Variants in DNAAF1 observed in about 807,000 individuals in gnomAD.
DNAAF1 encodes dynein assembly factor 1, axonemal.
A neutral mutation model predicts 71.1 loss-of-function variants in DNAAF1; 65 were observed. That is an observed-to-expected ratio of 0.91 (90% CI 0.75 to 1.12). The LOEUF (loss-of-function observed/expected upper bound fraction) is 1.12. Among genes scored for constraint, DNAAF1 ranks in the 50% most tolerant of loss-of-function variants. DNAAF1 has a pLI of 0.00. For missense variants in DNAAF1, 1,178 were observed against 899.8 expected (o/e 1.31, Z -3.96); for synonymous variants, 414 against 354.6 (o/e 1.17, Z -1.88).
In DNAAF1 at chr16:84,174,684, G is replaced by A; in HGVS notation, c.1660G>A (p.Glu554Lys). The change falls in exon 10 of 12, where the codon GAA becomes AAA. Residue 554 changes from glutamate (E) to lysine (K), a missense_variant. Transcript: ENST00000378553. ...GCTCTTTCAGGACCTACCTGACTTGGAAGATGATGATGAAACAGGCAAATC... is the reference window on the plus strand; with the variant it reads ...GCTCTTTCAGGACCTACCTGACTTGAAAGATGATGATGAAACAGGCAAATC... Reference protein sequence around the residue: ...TFCIDDLPDLEDDDETGKSLE... With the variant: ...TFCIDDLPDLKDDDETGKSLE... 1.2e-6 allele frequency: 2 copies of A among 1,614,156 alleles called. No individual in the cohort carries two copies. Among genetic ancestry groups the A allele is most frequent in the Non-Finnish European group, 1.7e-6 (2 of 1,180,040 alleles).
At chr16:84,146,744 CAA>C (rs755205371) in intron 1 of DNAAF1, among the ~76,000 whole-genome samples, 1 of 138,058 alleles carries the variant, frequency 7.2e-6, no homozygotes. Context: ...GACTCCGTCT[CAA>C]AAAAAAAAAA....
At chr16:84,156,349 C>A (rs1273892141) in intron 5 of DNAAF1, among the ~76,000 whole-genome samples, 9 of 152,218 alleles carry the variant, frequency 5.9e-5, no homozygotes, top group Admixed American at 5.9e-4. Flanking sequence ...CCTTGTGGTG[C>A]CACTTAACAT....
chr16:84,154,710 G>C lies in DNAAF1; in HGVS notation c.486G>C (p.Leu162Phe), dbSNP rs1268404412. ...ELRCLFLQMN[L>F]LRKIENLEPL... ...GTTGCCTCTTCTTGCAAATGAACTT[G>C]CTCCGTAAAATTGAGAACCTGGAAC... The change falls in exon 4 of 12, where the codon TTG becomes TTC. Residue 162 changes from leucine to phenylalanine, a missense_variant. By Grantham distance (22) the Leu-to-Phe change is conservative (BLOSUM62 0). Coordinates refer to ENST00000378553, the MANE Select transcript of DNAAF1 (RefSeq NM_178452.6). 1 of 1,614,106 alleles carries C rather than the reference G, an allele frequency of 6.2e-7. No individual in the cohort carries two copies. The highest frequency in any genetic ancestry group is 2.2e-5 in the East Asian group (1 of 44,872).
At chr16:84,150,428 T>G in intron 3 of DNAAF1, 86 bp downstream of exon 3, 3 of 1,009,838 alleles carry the variant, frequency 3.0e-6, no homozygotes, top group Non-Finnish European at 4.7e-6. Context: ...GGATCACCTT[T>G]AGTTCTCAGA....
At chr16:84,155,787 A>G (rs369747375) in intron 5 of DNAAF1, 38 bp downstream of exon 5, 6 of 1,610,440 alleles carry the variant, frequency 3.7e-6, no homozygotes, top group Non-Finnish European at 5.1e-6. Context: ...AAAGCACCAC[A>G]GGAAACCGCT....
rs200135738 is a variant in DNAAF1, at chr16:84,163,872, T to TG, written c.864-1911_864-1910insG. Among the ~76,000 whole-genome samples the TG allele has an allele frequency of 1.1e-3, 146 of 128,476 alleles. 1 individual carries two copies. The highest frequency in any genetic ancestry group is 3.9e-3 in the Middle Eastern group (1 of 256). 84.3% of individuals were successfully genotyped at this position (128,476 alleles called of 152,430 possible). A position where few individuals can be genotyped will look rare whatever the true frequency, so the allele number is the denominator to read the frequency against. On this transcript the variant is annotated intron_variant, in intron 6 of 11. Transcript: ENST00000378553. ...AAAATTAATAGACTTTTTTTTTTTT[T>TG]TGTGGGGGACAGCGTTTTGCTCTGT...
intron 6 of DNAAF1, among the ~76,000 whole-genome samples, chr16:84,160,973 C>G (rs937754649): frequency 2.6e-5 from 4 of 152,030 alleles, no homozygotes; most frequent in Admixed American, 2.0e-4. Flanking sequence ...AAGGCCTGCT[C>G]CTGGGAGGTT....
rs2087247550 is a variant in DNAAF1, at chr16:84,152,825, C to T, written c.353-1752C>T. 2.0e-5 allele frequency among the ~76,000 whole-genome samples: 3 copies of T among 151,274 alleles called. No homozygotes were observed. In the South Asian group the frequency reaches 6.3e-4, roughly 32 times the overall value. On this transcript the variant is annotated intron_variant, in intron 3 of 11. Transcript: ENST00000378553. ...AAAAATTAGCCAGGTGTGGTGATGG[C>T]GGGTACCTGTAATCTCAGCTACTCA...
At chr16:84,161,427 C>G (rs1360074583) in intron 6 of DNAAF1, among the ~76,000 whole-genome samples, 3 of 152,152 alleles carry the variant, frequency 2.0e-5, no homozygotes, top group Admixed American at 6.5e-5. Context: ...ACTCTGTCAC[C>G]CAGGCAGGAG....
chr16:84,166,973 A>G (rs1022792935), intron 7 of DNAAF1, among the ~76,000 whole-genome samples: 1 of 152,088 alleles, frequency 6.6e-6, no homozygotes, highest in African/African-American at 2.4e-5. Flanking sequence ...CTGTCCTGCA[A>G]TTCATTTCCA....
At position 84,145,402 on chromosome 16, in the gene DNAAF1, C is replaced by T. The variant is rs778638867; in HGVS notation, c.-39C>T. 40 of 1,568,326 alleles carry T rather than the reference C, an allele frequency of 2.6e-5. No homozygotes were observed. In the South Asian group the frequency reaches 4.3e-4, roughly 17 times the overall value. ...GCGACGTCCGCCGCGAACCTGGGCC[C>T]CCCAAAGCTGCGGGGCGTTCGGTGT... On this transcript the variant is annotated 5_prime_UTR_variant, in exon 1 of 12. Transcript: ENST00000378553.
At chr16:84,156,441 A>T (rs2087430037) in intron 5 of DNAAF1, among the ~76,000 whole-genome samples, 1 of 152,304 alleles carries the variant, frequency 6.6e-6, no homozygotes, top group South Asian at 2.1e-4. Context: ...TTTCACCTTG[A>T]GGTGTGTCAG....
In DNAAF1 at chr16:84,175,878, G is replaced by A; in HGVS notation, c.1699-55G>A. On this transcript the variant is annotated intron_variant, in intron 10 of 11. Coordinates refer to ENST00000378553, the MANE Select transcript of DNAAF1 (RefSeq NM_178452.6). ...AGCAGAACTGGCATGGTGCATTGTA[G>A]AGCGATTCTGTTGTGAAAACAGAAA... The A allele has an allele frequency of 1.9e-6, 3 of 1,599,672 alleles. No individual in the cohort carries two copies. In the Admixed American group the frequency reaches 5.0e-5, roughly 27 times the overall value.
chr16:84,159,276 G>C (rs752379330), intron 5 of DNAAF1: 90 of 1,103,084 alleles, frequency 8.2e-5, no homozygotes, highest in Non-Finnish European at 9.6e-5. Flanking sequence ...GGCTGTGTGC[G>C]TTTTGGTAAA....
At chr16:84,156,631 T>C (rs2087437453) in intron 5 of DNAAF1, among the ~76,000 whole-genome samples, 1 of 152,160 alleles carries the variant, frequency 6.6e-6, no homozygotes, top group Non-Finnish European at 1.5e-5. Flanking sequence ...TTGCCTAGAT[T>C]AATTATTTAA....
intron 6 of DNAAF1, among the ~76,000 whole-genome samples, chr16:84,161,058 G>C (rs2087687942): frequency 6.6e-6 from 1 of 152,170 alleles, no homozygotes. Flanking sequence ...CAGTGTGCAG[G>C]GGTCTGACTC....
intron 1 of DNAAF1, among the ~76,000 whole-genome samples, chr16:84,148,413 C>G (rs544934923): frequency 1.3e-5 from 2 of 151,742 alleles, no homozygotes; most frequent in Non-Finnish European, 2.9e-5. Flanking sequence ...TGGACATTTA[C>G]GTTGTTAACA....
Position 84,145,403 on chromosome 16 carries a change from C to T in DNAAF1, c.-38C>T, listed in dbSNP as rs1203047873. On this transcript the variant is annotated 5_prime_UTR_variant, in exon 1 of 12. Coordinates refer to ENST00000378553, the MANE Select transcript of DNAAF1 (RefSeq NM_178452.6). ...CGACGTCCGCCGCGAACCTGGGCCC[C>T]CCAAAGCTGCGGGGCGTTCGGTGTC... The T allele has an allele frequency of 6.4e-7, 1 of 1,568,668 alleles. No individual in the cohort carries two copies. The highest frequency in any genetic ancestry group is 2.3e-5 in the East Asian group (1 of 43,106).
chr16:84,171,659 C>T (rs889570457), intron 8 of DNAAF1, among the ~76,000 whole-genome samples: 1 of 152,138 alleles, frequency 6.6e-6, no homozygotes, highest in East Asian at 1.9e-4. Flanking sequence ...AGCGAGTCGC[C>T]CCTGCTGGCA....
Sources: allele counts gnomAD v4.1 joint callset (sites outside exome capture counted in the v4.1 genomes callset), GRCh38; gene constraint gnomAD v4.1.1; transcripts MANE v1.5; gene names NCBI Gene and HGNC (gene_info 2026-07-23, HGNC 2026-07-21).